Variants in TNRC6A observed in about 807,000 individuals in gnomAD.
TNRC6A encodes the protein trinucleotide repeat-containing gene 6A protein.
In TNRC6A, 44 loss-of-function variants were observed where a neutral mutation model predicts 221.2. That is an observed-to-expected ratio of 0.20 (90% CI 0.16 to 0.26). The LOEUF (loss-of-function observed/expected upper bound fraction) is 0.26, where lower values mean the gene tolerates loss of function less well. Ranked by LOEUF, TNRC6A falls within the 10% of genes least tolerant of loss-of-function variation. TNRC6A has a pLI of 1.00. For synonymous variants in TNRC6A, 847 were observed against 838.5 expected (o/e 1.01, Z -0.18); for missense variants, 2,199 against 2,404.4 (o/e 0.91, Z 1.79).
intron 2 of TNRC6A, among the ~76,000 whole-genome samples, chr16:24,706,997 T>G (rs1034628934): frequency 2.6e-5 from 4 of 151,320 alleles, no homozygotes; most frequent in Non-Finnish European, 5.9e-5. Flanking sequence ...ATGTATTTAT[T>G]TATTTATTTA....
chr16:24,778,019 A>G (rs948194183), intron 5 of TNRC6A, among the ~76,000 whole-genome samples: 1 of 152,186 alleles, frequency 6.6e-6, no homozygotes, highest in African/African-American at 2.4e-5. Flanking sequence ...TTATCCAACT[A>G]TTTGAAAGCT....
chr16:24,805,344 A>G (rs2058408499), intron 14 of TNRC6A, 193 bp downstream of exon 14: 3 of 1,008,114 alleles, frequency 3.0e-6, no homozygotes, highest in East Asian at 2.6e-5. Flanking sequence ...AAAATTTACC[A>G]TTTTCTTCTT....
chr16:24,714,881 T>G (rs1019318652), intron 2 of TNRC6A, among the ~76,000 whole-genome samples: 1 of 149,856 alleles, frequency 6.7e-6, no homozygotes, highest in Non-Finnish European at 1.5e-5. Context: ...GTTTTTTTGT[T>G]TTTTTTTTTT....
chr16:24,755,758 G>C (rs1381611910), intron 3 of TNRC6A, among the ~76,000 whole-genome samples: 1 of 152,218 alleles, frequency 6.6e-6, no homozygotes, highest in Non-Finnish European at 1.5e-5. Flanking sequence ...CAGTAATGAA[G>C]GAGGCAGTTG....
rs55802473 is a variant in TNRC6A, at chr16:24,824,126, A to ACCCCCCCCCCCCCC, written c.*330_*331insCCCCCCCCCCCCCC. 1 of 25,978 alleles carries ACCCCCCCCCCCCCC rather than the reference A, an allele frequency of 3.8e-5. No individual in the cohort carries two copies. Among genetic ancestry groups the ACCCCCCCCCCCCCC allele is most frequent in the Non-Finnish European group, 7.8e-5 (1 of 12,890 alleles). The allele number at this position is 25,978 out of a possible 1,614,324, so 1.6% of individuals were successfully genotyped here. ...TTTTTTTTCCTTCTATTCCTCCCCA[A>ACCCCCCCCCCCCCC]CCCCCCCCCCCGCCCCTTTTTTTCT... is the stretch of plus-strand genomic sequence containing the variant. On this transcript the variant is annotated 3_prime_UTR_variant, in exon 25 of 25. Coordinates refer to ENST00000395799, the MANE Select transcript of TNRC6A (RefSeq NM_014494.4).
chr16:24,816,577 T>G (rs1028733797), intron 19 of TNRC6A: 6 of 462,906 alleles, frequency 1.3e-5, no homozygotes, highest in East Asian at 3.8e-5. Flanking sequence ...CGTGTGTGTG[T>G]GGGTATGTAT....
intron 2 of TNRC6A, among the ~76,000 whole-genome samples, chr16:24,645,047 G>A (rs1047353081): frequency 1.3e-5 from 2 of 152,136 alleles, no homozygotes; most frequent in African/African-American, 4.8e-5. Flanking sequence ...AGTTACAGTT[G>A]AAAAAGTAGA....
intron 5 of TNRC6A, among the ~76,000 whole-genome samples, chr16:24,782,453 T>G (rs1567465880): frequency 6.6e-6 from 1 of 152,146 alleles, no homozygotes; most frequent in East Asian, 1.9e-4. Context: ...AATGGCAGAG[T>G]TAAATAGTTT....
chr16:24,707,380 A>G (rs1038613671), intron 2 of TNRC6A, among the ~76,000 whole-genome samples: 2 of 147,630 alleles, frequency 1.4e-5, no homozygotes, highest in South Asian at 4.3e-4. Flanking sequence ...ACACACACAC[A>G]TCTTAAATAA....
At position 24,750,749 on chromosome 16, in the gene TNRC6A, A is replaced by T; in HGVS notation, c.77A>T (p.Gln26Leu). 1 of 1,560,730 alleles carries T rather than the reference A, an allele frequency of 6.4e-7. No homozygotes were observed. The highest frequency in any genetic ancestry group is 8.6e-7 in the Non-Finnish European group (1 of 1,158,368). Residue 26 changes from glutamine (Q) to leucine (L), a missense_variant, in exon 3 of 25, where the codon CAG (glutamine) becomes CTG (leucine). This residue lies in a region of TNRC6A where 1,405 missense variants were observed against 1,400.2 expected (regional missense o/e 1.00). Transcript: ENST00000395799. ...LSRDLVQEEE[Q>L]LMEEKKKKKD... is the part of the protein sequence containing the mutation. ...AGGGATTTAGTGCAAGAAGAAGAAC[A>T]GTTGATGGAAGAAAAGAAAAAGAAA...
intron 2 of TNRC6A, among the ~76,000 whole-genome samples, chr16:24,746,719 A>G (rs561595855): frequency 6.6e-6 from 1 of 152,338 alleles, no homozygotes; most frequent in African/African-American, 2.4e-5. Context: ...GTGCTAGTCC[A>G]TACATACTTC....
intron 3 of TNRC6A, among the ~76,000 whole-genome samples, chr16:24,755,181 T>C (rs1237578782): frequency 1.3e-5 from 2 of 152,198 alleles, no homozygotes; most frequent in Non-Finnish European, 2.9e-5. Flanking sequence ...TGCTAAGTCA[T>C]AGGAAAGCTC....
intron 2 of TNRC6A, among the ~76,000 whole-genome samples, chr16:24,721,513 A>C (rs547319505): frequency 1.2e-4 from 19 of 152,068 alleles, no homozygotes; most frequent in African/African-American, 4.3e-4. Flanking sequence ...TACAAACAAT[A>C]ATGATAGTAG....
chr16:24,776,147 G>A (rs2057713927), intron 4 of TNRC6A, among the ~76,000 whole-genome samples: 1 of 152,102 alleles, frequency 6.6e-6, no homozygotes. Flanking sequence ...CATACACCAT[G>A]CATCTCTGTA....
At chr16:24,646,890 T>G (rs1011443536) in intron 2 of TNRC6A, among the ~76,000 whole-genome samples, 1 of 152,192 alleles carries the variant, frequency 6.6e-6, no homozygotes, top group Non-Finnish European at 1.5e-5. Flanking sequence ...GTGGCTTAAT[T>G]GCAGATTATT....
At chr16:24,780,037 T>C (rs183205096) in intron 5 of TNRC6A, among the ~76,000 whole-genome samples, 1 of 152,188 alleles carries the variant, frequency 6.6e-6, no homozygotes, top group African/African-American at 2.4e-5. Flanking sequence ...AACTGTTTAA[T>C]ATGGGGGCCC....
Position 24,624,467 on chromosome 16 carries a change from CGTTT to C in TNRC6A, n.276+14008_276+14011del, listed in dbSNP as rs3042537. 4.5e-3 allele frequency among the ~76,000 whole-genome samples: 681 copies of C among 151,256 alleles called. 5 individuals are homozygous for C. The highest frequency in any genetic ancestry group is 0.014 in the African/African-American group (580 of 41,134). On this transcript the variant is annotated intron_variant and non_coding_transcript_variant, in intron 1 of 2. Coordinates refer to the TNRC6A transcript ENST00000566108. ...GCCCACTGCTTTACTTGCTAAGGAC[CGTTT>C]GTTTGTTTGTTTGTTTGTTTGTTTT...
rs983720501 is a variant in TNRC6A at position 24,745,799 on chromosome 16, C to T, written c.54-4927C>T. Among the ~76,000 whole-genome samples, 205 of 140,280 alleles carry T rather than the reference C, an allele frequency of 1.5e-3. 2 individuals are homozygous for T. Among genetic ancestry groups the T allele is most frequent in the African/African-American group, 5.1e-3 (197 of 38,680 alleles). 92.0% of individuals were successfully genotyped at this position (140,280 alleles called of 152,430 possible). On this transcript the variant is annotated intron_variant, in intron 2 of 24. Transcript: ENST00000395799. ...TGAGACTACAGGTATGTACCATCCC[C>T]CCCCCCCCCAGCTAATTGTTAGGAT...
At chr16:24,785,232 T>A (rs528033422) in intron 5 of TNRC6A, among the ~76,000 whole-genome samples, 2 of 152,344 alleles carry the variant, frequency 1.3e-5, no homozygotes, top group South Asian at 2.1e-4. Flanking sequence ...CTTTTTGAAA[T>A]TTTTTAGAGG....
Sources: allele counts gnomAD v4.1 joint callset (sites outside exome capture counted in the v4.1 genomes callset), GRCh38; gene constraint gnomAD v4.1.1; regional missense constraint gnomAD v4.1.1; transcripts MANE v1.5; gene names NCBI Gene and HGNC (gene_info 2026-07-23, HGNC 2026-07-21).